OPCML: variants seen among roughly 807,000 people sequenced by gnomAD.
The protein encoded by OPCML is opioid-binding protein/cell adhesion molecule.
OPCML carries 13 observed loss-of-function variants against 37.8 expected under a neutral mutation model. The ratio of observed to expected loss-of-function variants is 0.34; its 90% CI spans 0.22 to 0.55. The LOEUF (loss-of-function observed/expected upper bound fraction) is 0.55, where lower values mean the gene tolerates loss of function less well. Among genes scored for constraint, OPCML ranks in the 20% least tolerant of loss-of-function variants. OPCML has a pLI of 0.91. For missense variants in OPCML, 341 were observed against 435.6 expected, an observed-to-expected ratio of 0.78 and a Z score of 1.93; for synonymous variants, 176 against 168.8, an observed-to-expected ratio of 1.04 and a Z score of -0.33.
chr11:132,993,234 C>A (rs1946814254), intron 1 of OPCML, among the ~76,000 whole-genome samples: 1 of 152,176 alleles, frequency 6.6e-6, no homozygotes, highest in Non-Finnish European at 1.5e-5. Flanking sequence ...CATGCATGTG[C>A]TTACTATGTT....
intron 1 of OPCML, among the ~76,000 whole-genome samples, chr11:133,001,614 T>G (rs914756038): frequency 6.6e-6 from 1 of 152,210 alleles, no homozygotes; most frequent in African/African-American, 2.4e-5. Context: ...TCATGTCACA[T>G]ATTCAGAGGG....
At chr11:133,113,444 C>G (rs1271930891) in intron 1 of OPCML, among the ~76,000 whole-genome samples, 1 of 152,164 alleles carries the variant, frequency 6.6e-6, no homozygotes, top group Admixed American at 6.5e-5. Context: ...AAAAAAATAA[C>G]AGAACTACAT....
At chr11:133,200,365 G>C (rs1433433185) in intron 1 of OPCML, among the ~76,000 whole-genome samples, 1 of 152,078 alleles carries the variant, frequency 6.6e-6, no homozygotes, top group Non-Finnish European at 1.5e-5. Flanking sequence ...TACTTTTTTT[G>C]TCATTGTTTT....
intron 1 of OPCML, among the ~76,000 whole-genome samples, chr11:132,965,575 C>T (rs1342521470): frequency 6.6e-6 from 1 of 152,044 alleles, no homozygotes; most frequent in Non-Finnish European, 1.5e-5. Context: ...GCTCTCTTGC[C>T]AGGCTGGAGT....
chr11:132,767,673 A>C (rs116993512), intron 2 of OPCML, among the ~76,000 whole-genome samples: 1,615 of 152,350 alleles, frequency 0.011, 13 homozygotes, highest in Middle Eastern at 0.034. Context: ...CTCTGTGCTT[A>C]CCAGGTGTAC....
intron 1 of OPCML, among the ~76,000 whole-genome samples, chr11:133,078,233 G>A (rs748519542): frequency 5.9e-5 from 9 of 152,206 alleles, no homozygotes; most frequent in Non-Finnish European, 1.3e-4. Context: ...AACTCAAGAT[G>A]CGTGCAGCCG....
At chr11:132,826,684 C>G (rs1940365456) in intron 2 of OPCML, among the ~76,000 whole-genome samples, 1 of 152,198 alleles carries the variant, frequency 6.6e-6, no homozygotes, top group Non-Finnish European at 1.5e-5. Context: ...TTAATTTACC[C>G]TATACTGCAT....
chr11:133,029,648 T>G (rs974967402), intron 1 of OPCML, among the ~76,000 whole-genome samples: 5 of 152,146 alleles, frequency 3.3e-5, no homozygotes, highest in African/African-American at 4.8e-5. Flanking sequence ...ATGTTCTCAC[T>G]TGTAAGTGAG....
intron 1 of OPCML, chr11:133,302,190 T>C (rs1942797302): frequency 6.6e-6 from 1 of 152,214 alleles, no homozygotes; most frequent in Non-Finnish European, 1.5e-5. Context: ...CCTTGAATTG[T>C]AATCTCCATA....
intron 1 of OPCML, among the ~76,000 whole-genome samples, chr11:133,483,176 T>G (rs943878296): frequency 1.3e-5 from 2 of 151,926 alleles, no homozygotes; most frequent in African/African-American, 2.4e-5. Flanking sequence ...ATTAGAAAAA[T>G]GTTGAGGTAA....
intron 1 of OPCML, among the ~76,000 whole-genome samples, chr11:133,513,757 T>C (rs1948206521): frequency 6.6e-6 from 1 of 152,202 alleles, no homozygotes; most frequent in East Asian, 1.9e-4. Flanking sequence ...AATGACCTTG[T>C]AGAATTAGTT....
At chr11:133,074,310 C>G (rs1948589338) in intron 1 of OPCML, among the ~76,000 whole-genome samples, 1 of 152,172 alleles carries the variant, frequency 6.6e-6, no homozygotes, top group Non-Finnish European at 1.5e-5. Context: ...TGAGCTGGAC[C>G]AGAAGACTTC....
At chr11:132,536,354 A>C (rs969845005) in intron 3 of OPCML, among the ~76,000 whole-genome samples, 1 of 152,240 alleles carries the variant, frequency 6.6e-6, no homozygotes, top group Non-Finnish European at 1.5e-5. Context: ...AGGTTTGAAC[A>C]CAATTTTTTT....
At chr11:133,427,888 A>G (rs1565628475) in intron 1 of OPCML, among the ~76,000 whole-genome samples, 1 of 152,172 alleles carries the variant, frequency 6.6e-6, no homozygotes, top group Non-Finnish European at 1.5e-5. Context: ...TATATATGTA[A>G]GCCCACACCT....
At chr11:133,189,547 G>A (rs112637224) in intron 1 of OPCML, among the ~76,000 whole-genome samples, 5 of 152,192 alleles carry the variant, frequency 3.3e-5, no homozygotes, top group African/African-American at 1.2e-4. Context: ...CTGGAATACT[G>A]AGAAGTCAGG....
chr11:132,994,062 G>C (rs1946831795), intron 1 of OPCML, among the ~76,000 whole-genome samples: 1 of 152,212 alleles, frequency 6.6e-6, no homozygotes, highest in Non-Finnish European at 1.5e-5. Context: ...CGTTCATCAG[G>C]ACACCAGCCT....
At chr11:132,421,232 C>CAGCAGCA (rs2095957888) in intron 7 of OPCML, among the ~76,000 whole-genome samples, 1 of 152,144 alleles carries the variant, frequency 6.6e-6, no homozygotes, top group African/African-American at 2.4e-5. Flanking sequence ...GACTAGGAGC[C>CAGCAGCA]AGCAGCAAGT....
At chr11:133,355,571 A>G (rs1255293842) in intron 1 of OPCML, among the ~76,000 whole-genome samples, 2 of 152,206 alleles carry the variant, frequency 1.3e-5, no homozygotes, top group Admixed American at 6.5e-5. Flanking sequence ...ATTCAGCCTA[A>G]GAACTCCTAC....
At chr11:132,821,224 A>G (rs1939968307) in intron 2 of OPCML, among the ~76,000 whole-genome samples, 1 of 152,220 alleles carries the variant, frequency 6.6e-6, no homozygotes, top group Non-Finnish European at 1.5e-5. Flanking sequence ...GCTAGCTGAG[A>G]TAACATCAGG....
Sources: allele counts gnomAD v4.1 joint callset (sites outside exome capture counted in the v4.1 genomes callset), GRCh38; gene constraint gnomAD v4.1.1; transcripts MANE v1.5; gene names NCBI Gene and HGNC (gene_info 2026-07-23, HGNC 2026-07-21).